EBF1: variants seen among roughly 807,000 people sequenced by gnomAD.
The protein encoded by EBF1 is EBF transcription factor 1, also known as transcription factor COE1.
Under a neutral mutation model 68.4 loss-of-function variants are expected in EBF1, and 10 were observed. The observed-to-expected ratio is 0.15, with a 90% confidence interval of 0.09 to 0.25. The LOEUF (loss-of-function observed/expected upper bound fraction) is 0.25. EBF1 is among the 10% of genes least tolerant of loss of function. The probability of loss-of-function intolerance (pLI) is 1.00; values close to 1 mark genes in which losing one functional copy is unlikely to be tolerated. For missense variants in EBF1, 509 were observed against 794.4 expected (o/e 0.64, Z 4.32); for synonymous variants, 298 against 299.8 (o/e 0.99, Z 0.06).
chr5:158,742,079 C>T (rs1183333313), intron 10 of EBF1, among the ~76,000 whole-genome samples: 1 of 152,190 alleles, frequency 6.6e-6, no homozygotes, highest in Non-Finnish European at 1.5e-5. Context: ...TACTCTGAAC[C>T]TGTTCATTAG....
At chr5:159,094,712 GGA>G in intron 4 of EBF1, among the ~76,000 whole-genome samples, 1 of 152,234 alleles carries the variant, frequency 6.6e-6, no homozygotes, top group East Asian at 1.9e-4. Context: ...AGTACACAAT[GGA>G]TAACTTTTTT....
At chr5:158,946,080 C>A (rs372623642) in intron 6 of EBF1, among the ~76,000 whole-genome samples, 147 of 152,284 alleles carry the variant, frequency 9.7e-4, no homozygotes, top group South Asian at 4.6e-3. Context: ...TTAGCAATTT[C>A]TCTAACCTTT....
chr5:158,913,570 G>A (rs1366557912), intron 6 of EBF1, among the ~76,000 whole-genome samples: 1 of 152,146 alleles, frequency 6.6e-6, no homozygotes, highest in African/African-American at 2.4e-5. Context: ...TTTGGGGAGA[G>A]GTTGTGTAAA....
intron 6 of EBF1, among the ~76,000 whole-genome samples, chr5:158,900,166 C>T (rs918559015): frequency 6.6e-6 from 1 of 152,120 alleles, no homozygotes; most frequent in Non-Finnish European, 1.5e-5. Flanking sequence ...AGAATTGGCA[C>T]GTTCTTATCT....
chr5:158,873,180 C>A (rs115748667), intron 6 of EBF1, among the ~76,000 whole-genome samples: 400 of 152,068 alleles, frequency 2.6e-3, no homozygotes, highest in African/African-American at 8.9e-3. Flanking sequence ...TACAAGTGAA[C>A]CTTCAATTAG....
At chr5:158,897,775 G>A (rs1218814200) in intron 6 of EBF1, among the ~76,000 whole-genome samples, 1 of 152,178 alleles carries the variant, frequency 6.6e-6, no homozygotes, top group Non-Finnish European at 1.5e-5. Context: ...CCCCACAGCT[G>A]TTTTGGTGAA....
At chr5:158,757,089 C>T (rs940039196) in intron 10 of EBF1, among the ~76,000 whole-genome samples, 10 of 152,048 alleles carry the variant, frequency 6.6e-5, no homozygotes, top group African/African-American at 2.4e-4. Flanking sequence ...CAATGCTTTG[C>T]TCAGTTTGGA....
chr5:158,992,305 C>T (rs1360190714), intron 6 of EBF1, among the ~76,000 whole-genome samples: 1 of 150,492 alleles, frequency 6.6e-6, no homozygotes, highest in African/African-American at 2.4e-5. Context: ...CCAAAATGCT[C>T]TCAATGGCTT....
intron 6 of EBF1, among the ~76,000 whole-genome samples, chr5:158,928,804 T>C (rs1362292549): frequency 6.6e-6 from 1 of 152,208 alleles, no homozygotes; most frequent in East Asian, 1.9e-4. Flanking sequence ...TTAAAAGAAA[T>C]CAGCTATTAT....
chr5:158,859,751 G>A (rs945437488), intron 6 of EBF1, among the ~76,000 whole-genome samples: 3 of 152,044 alleles, frequency 2.0e-5, no homozygotes, highest in Non-Finnish European at 4.4e-5. Context: ...CAAGGTAATC[G>A]AGCCCACTCC....
intron 6 of EBF1, among the ~76,000 whole-genome samples, chr5:159,070,537 G>A (rs184932898): frequency 2.0e-5 from 3 of 152,274 alleles, no homozygotes; most frequent in East Asian, 3.9e-4. Context: ...TGCCCTGCAC[G>A]ATTGCACTAT....
At chr5:158,762,112 T>A (rs1771602319) in intron 10 of EBF1, among the ~76,000 whole-genome samples, 2 of 152,172 alleles carry the variant, frequency 1.3e-5, no homozygotes, top group African/African-American at 4.8e-5. Flanking sequence ...CCCATTTACA[T>A]ACATATTATT....
chr5:158,884,636 A>G (rs1799656109), intron 6 of EBF1, among the ~76,000 whole-genome samples: 2 of 152,086 alleles, frequency 1.3e-5, no homozygotes, highest in South Asian at 4.1e-4. Context: ...GACACACCCG[A>G]CTCAGCCTTT....
intron 4 of EBF1, among the ~76,000 whole-genome samples, chr5:159,086,484 T>A (rs1448771335): frequency 6.6e-6 from 1 of 152,214 alleles, no homozygotes; most frequent in Non-Finnish European, 1.5e-5. Context: ...AGTCTTTATA[T>A]TTCATGACAT....
At chr5:158,891,374 A>C (rs565645921) in intron 6 of EBF1, among the ~76,000 whole-genome samples, 1 of 152,268 alleles carries the variant, frequency 6.6e-6, no homozygotes. Flanking sequence ...CTCTTATGGT[A>C]ACAAAATCCT....
chr5:158,947,368 G>A (rs1814985266), intron 6 of EBF1, among the ~76,000 whole-genome samples: 2 of 152,222 alleles, frequency 1.3e-5, no homozygotes, highest in Non-Finnish European at 2.9e-5. Context: ...GAAGAGCATG[G>A]GCAAAGCATA....
At chr5:158,942,021 T>G (rs1813538068) in intron 6 of EBF1, among the ~76,000 whole-genome samples, 2 of 152,220 alleles carry the variant, frequency 1.3e-5, no homozygotes, top group African/African-American at 4.8e-5. Context: ...GAAAGATGCA[T>G]TTTATAAATA....
chr5:158,918,898 A>G (rs1192903541), intron 6 of EBF1, among the ~76,000 whole-genome samples: 1 of 152,224 alleles, frequency 6.6e-6, no homozygotes, highest in Non-Finnish European at 1.5e-5. Context: ...CTTGAAATTT[A>G]GGTTAAGGGA....
At chr5:158,846,034 A>G (rs1449004902) in intron 6 of EBF1, among the ~76,000 whole-genome samples, 2 of 152,224 alleles carry the variant, frequency 1.3e-5, no homozygotes. Flanking sequence ...GCATCAAGGC[A>G]CACCTAAACT....
Sources: gnomAD v4.1 joint callset for allele counts (sites outside exome capture counted in the v4.1 genomes callset) on GRCh38, gnomAD v4.1.1 for gene constraint, MANE v1.5 for transcripts, NCBI Gene and HGNC (gene_info 2026-07-23, HGNC 2026-07-21) for gene names.